ELF1: variants seen among roughly 807,000 people sequenced by gnomAD.
ELF1 encodes the protein ETS-related transcription factor Elf-1.
ELF1 carries 24 observed loss-of-function variants against 59.9 expected under a neutral mutation model. The ratio of observed to expected loss-of-function variants is 0.40; its 90% confidence interval spans 0.29 to 0.56. The LOEUF is 0.56. Ranked by LOEUF, ELF1 falls within the 20% of genes least tolerant of loss-of-function variation. ELF1 has a pLI of 0.44. For synonymous variants in ELF1, 248 were observed against 266.2 expected (o/e 0.93, Z 0.67); for missense variants, 627 against 742.2 (o/e 0.84, Z 1.80).
chr13:40,982,154 C>A lies in ELF1; in HGVS notation c.-100G>T. 6.6e-7 allele frequency: 1 copy of A among 1,516,152 alleles called. No individual in the cohort carries two copies. 93.9% of individuals were successfully genotyped at this position (1,516,152 alleles called of 1,614,324 possible). ...ACTGATTTGGGTAAAAAACCCTCAG[C>A]TCTGTCTGTGGAGTAATTGTATACC... On this transcript the variant is annotated 5_prime_UTR_variant, in exon 2 of 9. Coordinates refer to ENST00000239882, the MANE Select transcript of ELF1 (RefSeq NM_172373.4).
intron 1 of ELF1, among the ~76,000 whole-genome samples, chr13:41,032,124 TA>T (rs964255384): frequency 3.9e-5 from 6 of 151,968 alleles, no homozygotes; most frequent in African/African-American, 1.4e-4. Flanking sequence ...TTGTCATTAG[TA>T]AAATTTAAAG....
chr13:41,057,338 TA>T (rs1305109597), intron 1 of ELF1, among the ~76,000 whole-genome samples: 3 of 151,922 alleles, frequency 2.0e-5, no homozygotes, highest in African/African-American at 7.3e-5. Context: ...TTTTTAATTT[TA>T]TTTTTGTAGA....
rs182030985 is a variant in ELF1 at position 40,957,518 on chromosome 13, A to G, written c.253+1318T>C. Among the ~76,000 whole-genome samples, 570 of 151,854 alleles carry G rather than the reference A, an allele frequency of 3.8e-3. 7 individuals are homozygous for G. Among genetic ancestry groups the G allele is most frequent in the African/African-American group, 0.013 (530 of 41,474 alleles). On this transcript the variant is annotated intron_variant, in intron 3 of 8. Coordinates refer to ENST00000239882, the MANE Select transcript of ELF1 (RefSeq NM_172373.4). ...ATAAATTTGTGCATTTAAAAAAAAA[A>G]AAAAGAAAAAAAAGAAAGTGTGTAG...
At chr13:41,046,296 T>C (rs988782578) in intron 1 of ELF1, among the ~76,000 whole-genome samples, 3 of 152,218 alleles carry the variant, frequency 2.0e-5, no homozygotes, top group Non-Finnish European at 4.4e-5. Flanking sequence ...TTAAGGTTAA[T>C]ATTGTTATGT....
chr13:40,945,193 T>C (rs1870431954), intron 5 of ELF1, among the ~76,000 whole-genome samples: 1 of 152,120 alleles, frequency 6.6e-6, no homozygotes, highest in Admixed American at 6.5e-5. Flanking sequence ...AAAATAGATA[T>C]CGTCTTTATT....
chr13:40,945,191 T>C (rs115531918), intron 5 of ELF1, among the ~76,000 whole-genome samples: 1,547 of 152,230 alleles, frequency 0.01, 39 homozygotes, highest in African/African-American at 0.035. Flanking sequence ...AAAAAATAGA[T>C]ATCGTCTTTA....
chr13:40,942,914 A>G, intron 7 of ELF1, 38 bp downstream of exon 7: 1 of 1,444,292 alleles, frequency 6.9e-7, no homozygotes, highest in Non-Finnish European at 9.2e-7. Flanking sequence ...TTAGAAAATG[A>G]TATTCTTAAC....
At position 40,949,964 on chromosome 13, in the gene ELF1, A is replaced by G. The variant is rs747465409; in HGVS notation, c.371T>C (p.Ile124Thr). 14 of 1,609,670 alleles carry G rather than the reference A, an allele frequency of 8.7e-6. No individual in the cohort carries two copies. The Admixed American group carries it at 1.9e-4, about 21-fold the overall frequency. The change falls in exon 5 of 9, where the codon ATA becomes ACA. Residue 124 changes from isoleucine (I) to threonine (T), a missense_variant. Ile to Thr is a moderately conservative substitution (Grantham distance 89). Coordinates refer to ENST00000239882, the MANE Select transcript of ELF1 (RefSeq NM_172373.4). ...MLDEKRINNN[I>T]FSSPEDDMVV... Reference sequence around the variant, plus strand: ...CATGTCATCTTCAGGTGAACTAAATATATTATTATCTAATGAAAATAAAAT... The same window carrying G: ...CATGTCATCTTCAGGTGAACTAAATGTATTATTATCTAATGAAAATAAAAT...
chr13:41,059,919 A>C (rs1401910283), intron 1 of ELF1, among the ~76,000 whole-genome samples: 1 of 152,200 alleles, frequency 6.6e-6, no homozygotes, highest in Non-Finnish European at 1.5e-5. Context: ...GACCCTTTGG[A>C]AAGTCGATAT....
At chr13:40,993,585 A>G (rs941636112) in intron 1 of ELF1, among the ~76,000 whole-genome samples, 7 of 152,120 alleles carry the variant, frequency 4.6e-5, no homozygotes, top group African/African-American at 1.2e-4. Flanking sequence ...GCCTCAAGTG[A>G]TCCTCCCGCT....
intron 8 of ELF1, among the ~76,000 whole-genome samples, chr13:40,939,092 G>C (rs1481611102): frequency 6.6e-6 from 1 of 152,168 alleles, no homozygotes. Flanking sequence ...CAGCACTTCA[G>C]GAGGCCAAGG....
chr13:40,932,281 T>C lies in ELF1; in HGVS notation c.*1144A>G, dbSNP rs1869459876. On this transcript the variant is annotated 3_prime_UTR_variant, in exon 9 of 9. Transcript: ENST00000239882. ...CAGTTGAAAAAGTAATCTAAAAACA[T>C]TTCATTTCAGAAAGTTGGATATATA... is the stretch of plus-strand genomic sequence containing the variant. The C allele has an allele frequency of 6.6e-6, 1 of 152,184 alleles. No homozygotes were observed. The highest frequency in any genetic ancestry group is 2.1e-4 in the South Asian group (1 of 4,834). The allele number at this position is 152,184 out of a possible 1,614,324, so 9.4% of individuals were successfully genotyped here.
At chr13:40,998,793 G>A (rs565776175) in intron 1 of ELF1, among the ~76,000 whole-genome samples, 2 of 151,968 alleles carry the variant, frequency 1.3e-5, no homozygotes, top group Non-Finnish European at 2.9e-5. Flanking sequence ...TCTCTAATAG[G>A]AAACTGTTTT....
At chr13:41,004,169 A>G (rs1246669009) in intron 1 of ELF1, among the ~76,000 whole-genome samples, 1 of 152,170 alleles carries the variant, frequency 6.6e-6, no homozygotes, top group Admixed American at 6.5e-5. Context: ...AAAAGAAACA[A>G]TGTAAACAGA....
chr13:41,028,596 C>T (rs1876039003), intron 1 of ELF1, among the ~76,000 whole-genome samples: 1 of 152,092 alleles, frequency 6.6e-6, no homozygotes, highest in South Asian at 2.1e-4. Context: ...CTATATTCTC[C>T]CTATTTTGTT....
At chr13:40,996,633 G>A (rs1048327531) in intron 1 of ELF1, among the ~76,000 whole-genome samples, 6 of 152,298 alleles carry the variant, frequency 3.9e-5, no homozygotes, top group South Asian at 2.1e-4. Flanking sequence ...TTCATCAACT[G>A]TAACAAGTGC....
intron 1 of ELF1, among the ~76,000 whole-genome samples, chr13:41,027,757 T>C (rs1203930554): frequency 6.6e-6 from 1 of 152,230 alleles, no homozygotes; most frequent in African/African-American, 2.4e-5. Context: ...ATGGAACTTA[T>C]CTCAGTCACA....
rs966214225 is a variant in ELF1 at position 41,025,129 on chromosome 13, A to T, written c.-229+35709T>A. Among the ~76,000 whole-genome samples, 10 of 151,114 alleles carry T rather than the reference A, an allele frequency of 6.6e-5. No homozygotes were observed. The East Asian group carries it at 7.9e-4, about 12-fold the overall frequency. On this transcript the variant is annotated intron_variant, in intron 1 of 1. Transcript: ENST00000405737. The stretch of plus-strand genomic sequence containing the variant: ...TTCACAATCTGACTTTAATTTCCCT[A>T]ACTTTTCCAGCCCTATCTTCCTGAC...
At chr13:40,986,463 A>G (rs1055225227) in intron 1 of ELF1, among the ~76,000 whole-genome samples, 1 of 152,250 alleles carries the variant, frequency 6.6e-6, no homozygotes, top group African/African-American at 2.4e-5. Context: ...TAACAGGTGC[A>G]TGCTAGGTAA....
Sources: allele counts gnomAD v4.1 joint callset (sites outside exome capture counted in the v4.1 genomes callset), GRCh38; gene constraint gnomAD v4.1.1; transcripts MANE v1.5; gene names NCBI Gene and HGNC (gene_info 2026-07-23, HGNC 2026-07-21).